ADGRD1: variants seen among roughly 807,000 people sequenced by gnomAD.
ADGRD1 encodes the protein G-protein coupled receptor 133.
A neutral mutation model predicts 113.4 loss-of-function variants in ADGRD1; 77 were observed. The ratio of observed to expected loss-of-function variants is 0.68; its 90% CI spans 0.57 to 0.82. The LOEUF (loss-of-function observed/expected upper bound fraction) is 0.82, where lower values mean the gene tolerates loss of function less well. Among genes scored for constraint, ADGRD1 ranks in the 40% least tolerant of loss-of-function variants. ADGRD1 has a pLI of 0.00. For synonymous variants in ADGRD1, 474 were observed against 475.0 expected (o/e 1.00, Z 0.03); for missense variants, 1,036 against 1,139.1 (o/e 0.91, Z 1.30).
intron 15 of ADGRD1, among the ~76,000 whole-genome samples, chr12:131,098,197 C>T (rs1949983852): frequency 6.6e-6 from 1 of 152,156 alleles, no homozygotes; most frequent in Non-Finnish European, 1.5e-5. Flanking sequence ...GGCTGCCTCA[C>T]TGCCTTCTCT....
In ADGRD1 at chr12:131,094,425, G is replaced by A. The variant is rs536605557; in HGVS notation, c.1671+9762G>A. Reference sequence around the variant, plus strand: ...TGGCTGTGGGCACCGGGGCAGGACGGTCTATTGCCCTGTTGATGGGGGTGG... The same window carrying A: ...TGGCTGTGGGCACCGGGGCAGGACGATCTATTGCCCTGTTGATGGGGGTGG... On this transcript the variant is annotated intron_variant, in intron 15 of 24. Coordinates refer to ENST00000261654, the MANE Select transcript of ADGRD1 (RefSeq NM_198827.5). 5.3e-5 allele frequency among the ~76,000 whole-genome samples: 8 copies of A among 152,126 alleles called. No homozygotes were observed. In the East Asian group the frequency reaches 9.7e-4, roughly 18 times the overall value.
chr12:130,971,516 G>GCTT lies in ADGRD1; in HGVS notation c.249_251dup (p.Leu84dup). 1 of 1,613,620 alleles carries GCTT rather than the reference G, an allele frequency of 6.2e-7. No homozygotes were observed. Among genetic ancestry groups the GCTT allele is most frequent in the South Asian group, 1.1e-5 (1 of 91,006 alleles). On this transcript the variant is annotated inframe_insertion, in exon 4 of 25. Transcript: ENST00000261654. The surrounding 1 kb of genome is among the most constrained non-coding windows in gnomAD (Gnocchi z 4.2). ...ACCTGAAAGAGGAAAAGGGAGTCAC[G>GCTT]CTTCTCTATTACGGCAGGTACAACA...
At chr12:131,080,203 C>T (rs1222877842) in intron 14 of ADGRD1, among the ~76,000 whole-genome samples, 2 of 151,978 alleles carry the variant, frequency 1.3e-5, no homozygotes, top group Non-Finnish European at 2.9e-5. Context: ...TCTAATTTTC[C>T]TTGTGACTTC....
chr12:131,055,005 G>A (rs1033749346), intron 13 of ADGRD1, among the ~76,000 whole-genome samples: 2 of 152,162 alleles, frequency 1.3e-5, no homozygotes, highest in African/African-American at 4.8e-5. Context: ...GACTGAGCTT[G>A]TTACTTTATG....
intron 13 of ADGRD1, among the ~76,000 whole-genome samples, chr12:131,063,081 T>A (rs185241310): frequency 1.3e-5 from 2 of 152,290 alleles, no homozygotes; most frequent in East Asian, 3.9e-4. Flanking sequence ...ATTGGATTCT[T>A]TTTGTGTTTT....
intron 13 of ADGRD1, among the ~76,000 whole-genome samples, chr12:131,025,052 A>T (rs1879794982): frequency 6.6e-6 from 1 of 152,230 alleles, no homozygotes; most frequent in South Asian, 2.1e-4. Flanking sequence ...GTAGAAGGCC[A>T]TGTTTGTGTC....
intron 12 of ADGRD1, among the ~76,000 whole-genome samples, chr12:131,011,157 C>G (rs1414866781): frequency 9.2e-5 from 12 of 130,684 alleles, no homozygotes; most frequent in African/African-American, 3.5e-4. Flanking sequence ...TCACCCCTTC[C>G]CCACCCTGCC....
At chr12:130,997,188 ACC>A (rs36044466) in intron 8 of ADGRD1, among the ~76,000 whole-genome samples, 2 of 20,822 alleles carry the variant, frequency 9.6e-5, no homozygotes, top group Admixed American at 4.6e-4. Flanking sequence ...CGGGGGGCTG[ACC>A]CCCCCCCCCG....
At chr12:131,139,123 C>T in intron 24 of ADGRD1, 45 bp from the exon 25 acceptor site, 7 of 1,482,094 alleles carry the variant, frequency 4.7e-6, no homozygotes, top group Non-Finnish European at 6.6e-6. Context: ...ATGGCTCTCC[C>T]CCTGGGAGCA....
Position 131,014,298 on chromosome 12 carries a change from G to T in ADGRD1, c.1431G>T (p.Leu477=), listed in dbSNP as rs769272633. The change falls in exon 13 of 25, where the codon CTG becomes CTT. Residue 477 remains leucine (L), a synonymous_variant. Transcript: ENST00000261654. ...CACCACCCACCCTGTCTCAGAACCT[G>T]TCGGGCTCTCCACTCATTACGGTCC... ...VSPPPTLSQN[L]SGSPLITVHL... 1.5e-5 allele frequency: 24 copies of T among 1,613,996 alleles called. 2 individuals are homozygous for T. In the South Asian group the frequency reaches 2.2e-4, roughly 15 times the overall value.
intron 13 of ADGRD1, chr12:131,069,874 A>T (rs1211327028): frequency 6.6e-6 from 1 of 152,226 alleles, no homozygotes; most frequent in Non-Finnish European, 1.5e-5. Flanking sequence ...ATGAGTGAAA[A>T]TTATTTAAAA....
intron 13 of ADGRD1, among the ~76,000 whole-genome samples, chr12:131,038,624 C>T (rs1881792189): frequency 6.6e-6 from 1 of 152,220 alleles, no homozygotes; most frequent in Non-Finnish European, 1.5e-5. Context: ...TAGGTGGACA[C>T]TCATCAGCAC....
chr12:131,120,937 G>A (rs770403396), intron 20 of ADGRD1, 24 bp downstream of exon 20: 16 of 1,606,968 alleles, frequency 1.0e-5, no homozygotes, highest in East Asian at 4.5e-5. Context: ...CCTTGTGGGC[G>A]CAGAGCGGGG....
At chr12:130,998,866 G>A (rs1464821941) in intron 8 of ADGRD1, among the ~76,000 whole-genome samples, 1 of 152,230 alleles carries the variant, frequency 6.6e-6, no homozygotes, top group Non-Finnish European at 1.5e-5. Context: ...CCGTGAGGCA[G>A]TGATTAGCTA....
intron 4 of ADGRD1, among the ~76,000 whole-genome samples, chr12:130,976,203 G>A (rs772308538): frequency 4.8e-5 from 6 of 125,914 alleles, no homozygotes; most frequent in Admixed American, 9.5e-5. Flanking sequence ...TGGGGGACAC[G>A]GGCCTGGCAG....
chr12:130,974,272 G>C (rs554329657), intron 4 of ADGRD1, among the ~76,000 whole-genome samples: 1 of 152,320 alleles, frequency 6.6e-6, no homozygotes, highest in African/African-American at 2.4e-5. Context: ...GGAGGCAGAG[G>C]AGGCCTTCTC....
chr12:130,972,001 C>T (rs922427992), intron 4 of ADGRD1, among the ~76,000 whole-genome samples: 4 of 152,164 alleles, frequency 2.6e-5, no homozygotes, highest in African/African-American at 4.8e-5. Flanking sequence ...AGAACACTTG[C>T]GCCTGGTTTT....
At chr12:131,023,327 T>C (rs1399182480) in intron 13 of ADGRD1, 3 of 152,194 alleles carry the variant, frequency 2.0e-5, no homozygotes, top group African/African-American at 7.2e-5. Flanking sequence ...TGATTTTCAG[T>C]GTTGATGTAT....
chr12:131,121,842 C>A (rs573257761), intron 20 of ADGRD1: 1 of 152,502 alleles, frequency 6.6e-6, no homozygotes, highest in Non-Finnish European at 1.5e-5. Context: ...CCAGCACTCC[C>A]ATCGCAAGTC....
Sources: gnomAD v4.1 joint callset for allele counts (sites outside exome capture counted in the v4.1 genomes callset) on GRCh38, gnomAD v4.1.1 for gene constraint, Gnocchi (gnomAD v3.1) non-coding constraint, MANE v1.5 for transcripts, NCBI Gene and HGNC (gene_info 2026-07-23, HGNC 2026-07-21) for gene names.